RPH3AL: variants seen among roughly 807,000 people sequenced by gnomAD.
RPH3AL encodes the protein rab effector Noc2.
A neutral mutation model predicts 43.1 loss-of-function variants in RPH3AL; 38 were observed. The observed-to-expected ratio is 0.88, with a 90% CI of 0.68 to 1.15. RPH3AL has a LOEUF of 1.15. Ranked by LOEUF, RPH3AL falls within the 50% of genes most tolerant of loss-of-function variation. RPH3AL has a pLI of 0.00. For missense variants in RPH3AL, 462 were observed against 423.2 expected (o/e 1.09, Z -0.81); for synonymous variants, 189 against 176.3 (o/e 1.07, Z -0.57).
intron 5 of RPH3AL, among the ~76,000 whole-genome samples, chr17:285,729 C>T (rs1334815737): frequency 1.3e-5 from 2 of 152,196 alleles, no homozygotes; most frequent in South Asian, 2.1e-4. Context: ...TTCTGCAGGA[C>T]GGCGCTCGGC....
At position 309,599 on chromosome 17, in the gene RPH3AL, C is replaced by CG. The variant is rs2043591675; in HGVS notation, c.351+9820_351+9821insC. On this transcript the variant is annotated intron_variant, in intron 5 of 9. Transcript: ENST00000331302. ...CCCTGCCCCAGGCTCCTGCCAGCCT[C>CG]CTGCTGGGGGTCCAGGATATGGCAC... Among the ~76,000 whole-genome samples, 9 of 113,390 alleles carry CG rather than the reference C, an allele frequency of 7.9e-5. 1 individual carries two copies. The highest frequency in any genetic ancestry group is 1.2e-4 in the Non-Finnish European group (6 of 51,102). 74.4% of individuals were successfully genotyped at this position (113,390 alleles called of 152,430 possible).
intron 7 of RPH3AL, among the ~76,000 whole-genome samples, chr17:232,065 G>A (rs566049498): frequency 6.6e-6 from 1 of 152,256 alleles, no homozygotes; most frequent in South Asian, 2.1e-4. Flanking sequence ...TTAACCAAGA[G>A]CTCCAAAGGT....
intron 7 of RPH3AL, among the ~76,000 whole-genome samples, chr17:240,237 C>CAA (rs56048443): frequency 1.2e-4 from 17 of 140,212 alleles, no homozygotes; most frequent in African/African-American, 4.6e-4. Context: ...AACTCCATCT[C>CAA]AAAAAAAAAA....
chr17:241,711 C>CTTTTTTTTTTTTTTT (rs1001979455), intron 7 of RPH3AL, among the ~76,000 whole-genome samples: 6 of 92,792 alleles, frequency 6.5e-5, no homozygotes, highest in South Asian at 4.4e-4. Context: ...GTTTCTTTTT[C>CTTTTTTTTTTTTTTT]TTTTTTTTTC....
intron 5 of RPH3AL, among the ~76,000 whole-genome samples, chr17:299,367 G>A (rs1357643686): frequency 3.5e-5 from 5 of 141,208 alleles, no homozygotes; most frequent in Non-Finnish European, 6.2e-5. Context: ...TCCCTCCCAC[G>A]GAAGGCAGGA....
At chr17:336,007 C>T (rs35663503) in intron 1 of RPH3AL, 22,460 of 152,018 alleles carry the variant, frequency 0.15, 2,065 homozygotes, top group Non-Finnish European at 0.2. Flanking sequence ...TCCCACTGGG[C>T]GCTGTGCCTA....
chr17:219,192 C>CTTTTTTTTTTTTTTTTTT (rs796389217), intron 8 of RPH3AL, among the ~76,000 whole-genome samples: 2 of 58,004 alleles, frequency 3.4e-5, no homozygotes, highest in African/African-American at 1.6e-4. Context: ...ATAAACAGCA[C>CTTTTTTTTTTTTTTTTTT]TTTTTTTTTT....
intron 2 of RPH3AL, among the ~76,000 whole-genome samples, chr17:330,044 C>G (rs138418262): frequency 0.012 from 1,873 of 152,338 alleles, 108 homozygotes; most frequent in Admixed American, 0.11. Context: ...ACCTGTGGAT[C>G]TCCGGAGGGT....
chr17:336,209 A>G (rs1386682452), intron 1 of RPH3AL, among the ~76,000 whole-genome samples: 1 of 152,154 alleles, frequency 6.6e-6, no homozygotes, highest in African/African-American at 2.4e-5. Flanking sequence ...CTCTGTTACT[A>G]TGACACGGGA....
intron 5 of RPH3AL, among the ~76,000 whole-genome samples, chr17:311,058 C>A (rs1251847290): frequency 1.3e-5 from 2 of 151,910 alleles, no homozygotes; most frequent in Non-Finnish European, 2.9e-5. Context: ...TGCAGCTCGT[C>A]CCCTGAAAGA....
At chr17:330,736 C>A (rs886112702) in intron 2 of RPH3AL, among the ~76,000 whole-genome samples, 1 of 152,016 alleles carries the variant, frequency 6.6e-6, no homozygotes, top group African/African-American at 2.4e-5. Context: ...ATTAGCCAGG[C>A]GTGATGGCGC....
At position 328,313 on chromosome 17, in the gene RPH3AL, ACG is replaced by A. The variant is rs1291043447; in HGVS notation, c.-36-736_-36-735del. 1.3e-5 allele frequency among the ~76,000 whole-genome samples: 2 copies of A among 151,212 alleles called. No homozygotes were observed. The highest frequency in any genetic ancestry group is 2.9e-5 in the Non-Finnish European group (2 of 67,854). On this transcript the variant is annotated intron_variant, in intron 2 of 9. Transcript: ENST00000331302. This position sits in a 1 kb window ranked among gnomAD's most constrained non-coding sequence, Gnocchi z 4.2. ...TTGTCTTTGGTGGTCTGAGGATGCC[ACG>A]CGTGCATTCTGAAGGGAGTGTGGGA...
At chr17:339,140 A>T (rs1251376384) in intron 1 of RPH3AL, 1 of 152,314 alleles carries the variant, frequency 6.6e-6, no homozygotes, top group Non-Finnish European at 1.5e-5. Context: ...TCTTGCTCAC[A>T]GAAACACAAA....
chr17:220,153 CTCCA>C (rs1357113850), intron 7 of RPH3AL, among the ~76,000 whole-genome samples: 1 of 152,156 alleles, frequency 6.6e-6, no homozygotes, highest in African/African-American at 2.4e-5. Flanking sequence ...GCTCTGAGGC[CTCCA>C]CTCACTGAGA....
chr17:302,213 G>A (rs919689531), intron 5 of RPH3AL, among the ~76,000 whole-genome samples: 7 of 152,366 alleles, frequency 4.6e-5, no homozygotes, highest in African/African-American at 1.4e-4. Flanking sequence ...GGAGGAAACC[G>A]CAGGCAGGCC....
intron 7 of RPH3AL, among the ~76,000 whole-genome samples, chr17:238,599 G>T (rs759039002): frequency 7.2e-5 from 11 of 152,212 alleles, no homozygotes; most frequent in Non-Finnish European, 1.0e-4. Context: ...GAGAAGAATT[G>T]CAAAGACATC....
intron 5 of RPH3AL, among the ~76,000 whole-genome samples, chr17:286,093 A>C (rs2042903135): frequency 6.6e-6 from 1 of 152,136 alleles, no homozygotes; most frequent in Non-Finnish European, 1.5e-5. Flanking sequence ...TGAGGGACAA[A>C]TGTGCACGTG....
chr17:321,411 G>A lies in RPH3AL; in HGVS notation c.82C>T (p.Gln28Ter), dbSNP rs543467714. 1 of 1,605,542 alleles carries A rather than the reference G, an allele frequency of 6.2e-7. No individual in the cohort carries two copies. The highest frequency in any genetic ancestry group is 1.1e-5 in the South Asian group (1 of 90,792). Residue 28 changes from glutamine (Q) to a stop codon, truncating the protein, a stop_gained, in exon 4 of 10, where the codon CAG (glutamine) becomes TAG (stop). Coordinates refer to ENST00000331302, the MANE Select transcript of RPH3AL (RefSeq NM_006987.4). LOFTEE classifies it high-confidence loss of function. ...TAGGTGTGCACGGACCAGCCCGTCT[G>A]CAGCCTCGAGAGGGAACAGCACAGA... Reference protein sequence around the residue: ...DRQLALRAKLQTGWSVHTYQT... With the variant: ...DRQLALRAKL
At chr17:316,966 C>A (rs2044258152) in intron 5 of RPH3AL, among the ~76,000 whole-genome samples, 1 of 146,496 alleles carries the variant, frequency 6.8e-6, no homozygotes. Context: ...TCTCTACACC[C>A]ACCTCCATTG....
Sources: gnomAD v4.1 joint callset for allele counts (sites outside exome capture counted in the v4.1 genomes callset) on GRCh38, gnomAD v4.1.1 for gene constraint, Gnocchi (gnomAD v3.1) non-coding constraint, MANE v1.5 for transcripts, NCBI Gene and HGNC (gene_info 2026-07-23, HGNC 2026-07-21) for gene names.